ADAM18: variants seen among roughly 807,000 people sequenced by gnomAD.
The protein encoded by ADAM18 is ADAM metallopeptidase domain 18.
Under a neutral mutation model 94.4 loss-of-function variants are expected in ADAM18, and 117 were observed. That is an observed-to-expected ratio of 1.24 (90% CI 1.07 to 1.45). The LOEUF (loss-of-function observed/expected upper bound fraction) is 1.45. ADAM18 is among the 40% of genes most tolerant of loss of function. ADAM18 has a pLI of 0.00. For synonymous variants in ADAM18, 327 were observed against 291.6 expected (o/e 1.12, Z -1.24); for missense variants, 936 against 880.0 (o/e 1.06, Z -0.81).
chr8:39,701,442 T>G (rs925238684), intron 17 of ADAM18, among the ~76,000 whole-genome samples: 4 of 151,258 alleles, frequency 2.6e-5, no homozygotes, highest in Non-Finnish European at 5.9e-5. Flanking sequence ...CATTTAAACA[T>G]TTTTCTTTTT....
intron 17 of ADAM18, among the ~76,000 whole-genome samples, chr8:39,698,195 T>G (rs959818797): frequency 6.6e-6 from 1 of 151,894 alleles, no homozygotes; most frequent in African/African-American, 2.4e-5. Flanking sequence ...ATTCCGCCAT[T>G]TCTAATTTGC....
chr8:39,648,377 C>T lies in ADAM18; in HGVS notation c.1080C>T (p.Cys360=). 3 of 1,604,182 alleles carry T rather than the reference C, an allele frequency of 1.9e-6. No individual in the cohort carries two copies. Among genetic ancestry groups the T allele is most frequent in the South Asian group, 2.3e-5 (2 of 88,660 alleles). Residue 360 remains cysteine (C), a synonymous_variant, in exon 12 of 20, where the codon TGC becomes TGT. Transcript: ENST00000265707. ...GTGGTAGAAAGATTTTTAGCAACTGCAGCATGCACGACTATAGATATTTTG... is the reference window on the plus strand; with the variant it reads ...GTGGTAGAAAGATTTTTAGCAACTGTAGCATGCACGACTATAGATATTTTG... ...SASGRKIFSN[C]SMHDYRYFVS...
intron 16 of ADAM18, among the ~76,000 whole-genome samples, chr8:39,681,621 C>A (rs1405555028): frequency 6.6e-6 from 1 of 152,064 alleles, no homozygotes; most frequent in Non-Finnish European, 1.5e-5. Context: ...GAATATAGAA[C>A]CAGGAAGTGG....
chr8:39,678,070 C>G (rs910803141), intron 15 of ADAM18, among the ~76,000 whole-genome samples: 1 of 152,006 alleles, frequency 6.6e-6, no homozygotes, highest in African/African-American at 2.4e-5. Flanking sequence ...AAGTGCCTAC[C>G]CTGTAATGAA....
chr8:39,686,004 C>T (rs1236204848), intron 16 of ADAM18, among the ~76,000 whole-genome samples: 1 of 152,122 alleles, frequency 6.6e-6, no homozygotes, highest in African/African-American at 2.4e-5. Context: ...ATTTTCCTAC[C>T]AATGCTCTGA....
intron 16 of ADAM18, among the ~76,000 whole-genome samples, chr8:39,688,758 CT>C (rs1207313628): frequency 6.6e-6 from 1 of 151,832 alleles, no homozygotes; most frequent in Non-Finnish European, 1.5e-5. Flanking sequence ...TGGGATTGTT[CT>C]GTCTTTAAAA....
At position 39,609,456 on chromosome 8, in the gene ADAM18, T is replaced by C. The variant is rs189390333; in HGVS notation, c.268-29T>C. ...ACATTTTTTATTCACAACGAATTTA[T>C]ATACTTGCCTTTCTATACTGTTTTT... On this transcript the variant is annotated intron_variant, in intron 4 of 19. Transcript: ENST00000265707. The C allele has an allele frequency of 4.8e-4, 732 of 1,526,172 alleles. 1 individual carries two copies. In the Admixed American group the frequency reaches 0.012, roughly 24 times the overall value. The allele number at this position is 1,526,172 out of a possible 1,614,324, so 94.5% of individuals were successfully genotyped here.
intron 14 of ADAM18, among the ~76,000 whole-genome samples, chr8:39,672,721 A>G (rs1034297550): frequency 6.6e-6 from 1 of 152,192 alleles, no homozygotes; most frequent in Non-Finnish European, 1.5e-5. Flanking sequence ...TTCCTCTCAT[A>G]TGTTCCCATA....
intron 18 of ADAM18, among the ~76,000 whole-genome samples, chr8:39,721,590 A>G (rs1563321092): frequency 1.3e-5 from 2 of 151,748 alleles, no homozygotes; most frequent in African/African-American, 4.8e-5. Context: ...CCCATCAAAA[A>G]AATGGCAAAA....
At chr8:39,632,996 C>T (rs1819975124) in intron 7 of ADAM18, among the ~76,000 whole-genome samples, 2 of 152,176 alleles carry the variant, frequency 1.3e-5, no homozygotes, top group Admixed American at 1.3e-4. Flanking sequence ...AAGCTCCTTC[C>T]CTCATGTATG....
chr8:39,656,594 A>G (rs1245631597), intron 12 of ADAM18, among the ~76,000 whole-genome samples: 1 of 152,208 alleles, frequency 6.6e-6, no homozygotes, highest in Non-Finnish European at 1.5e-5. Context: ...AATATTTACA[A>G]ATTAGATGTT....
In ADAM18 at chr8:39,663,803, A is replaced by G. The variant is rs775586004; in HGVS notation, c.1239A>G (p.Gln413=). Residue 413 remains glutamine (Q), a synonymous_variant, in exon 13 of 20, where the codon CAA becomes CAG. Transcript: ENST00000265707. ...TTCCTGTAAAATTTTAGGAATGTCA[A>G]TTTAAGAAGTGCTGTGATTATAACA... is the stretch of plus-strand genomic sequence containing the variant. ...ECDCGNKNEC[Q]FKKCCDYNTC... The G allele has an allele frequency of 4.3e-6, 7 of 1,610,452 alleles. No individual in the cohort carries two copies. Among genetic ancestry groups the G allele is most frequent in the Admixed American group, 1.7e-5 (1 of 59,404 alleles).
At chr8:39,663,105 A>G (rs974888705) in intron 12 of ADAM18, among the ~76,000 whole-genome samples, 2 of 152,132 alleles carry the variant, frequency 1.3e-5, no homozygotes, top group East Asian at 3.9e-4. Flanking sequence ...CAAATCACCC[A>G]TGAGACCCTT....
At position 39,637,345 on chromosome 8, in the gene ADAM18, T is replaced by C. The variant is rs1448723220; in HGVS notation, c.660+10T>C. 1 of 1,590,454 alleles carries C rather than the reference T, an allele frequency of 6.3e-7. No homozygotes were observed. Among genetic ancestry groups the C allele is most frequent in the South Asian group, 1.2e-5 (1 of 86,054 alleles). ...TGGGCTTGTCAACACTGTAAGTTTT[T>C]ACTTTTTCACATTTCCATTTTCATG... On this transcript the variant is annotated intron_variant, in intron 8 of 19. Transcript: ENST00000265707.
At chr8:39,612,738 A>C (rs151086482) in intron 6 of ADAM18, among the ~76,000 whole-genome samples, 7 of 152,256 alleles carry the variant, frequency 4.6e-5, no homozygotes, top group African/African-American at 7.2e-5. Context: ...CCTTGGCTAC[A>C]TTCATTTGCA....
At chr8:39,657,613 G>A (rs118142106) in intron 12 of ADAM18, among the ~76,000 whole-genome samples, 3 of 152,120 alleles carry the variant, frequency 2.0e-5, no homozygotes, top group Non-Finnish European at 2.9e-5. Context: ...ACAGTGCCTG[G>A]CCTAGTTACT....
Position 39,722,207 on chromosome 8 carries a change from GTGTGTGTGTGTA to G in ADAM18, c.2018-1539_2018-1528del, listed in dbSNP as rs1194406915. Among the ~76,000 whole-genome samples, 727 of 76,358 alleles carry G rather than the reference GTGTGTGTGTGTA, an allele frequency of 9.5e-3. 16 individuals are homozygous for G. The highest frequency in any genetic ancestry group is 0.05 in the African/African-American group (705 of 14,030). The allele number at this position is 76,358 out of a possible 152,430, so 50.1% of individuals were successfully genotyped here. The stretch of plus-strand genomic sequence containing the variant: ...GGTTATACCGTGTGTGTGTGTGTGT[GTGTGTGTGTGTA>G]TATATATATATATATATATATATAT... On this transcript the variant is annotated intron_variant, in intron 18 of 19. Coordinates refer to ENST00000265707, the MANE Select transcript of ADAM18 (RefSeq NM_014237.3).
Position 39,723,897 on chromosome 8 carries a change from G to A in ADAM18, c.2167G>A (p.Glu723Lys). The change falls in exon 19 of 20, where the codon GAG becomes AAG. Residue 723 changes from glutamate (E) to lysine (K), a missense_variant. Physicochemically the swap from Glu to Lys is moderately conservative, Grantham distance 56. Coordinates refer to ENST00000265707, the MANE Select transcript of ADAM18 (RefSeq NM_014237.3). ...ISKSCNRENA[E>K]YNRNSSVVSE... ...TAAATCATGTAACAGAGAGAATGCA[G>A]AGTATAATCGGTAAATATGATATAG... 1 of 1,521,334 alleles carries A rather than the reference G, an allele frequency of 6.6e-7. No individual in the cohort carries two copies. Among genetic ancestry groups the A allele is most frequent in the Non-Finnish European group, 8.9e-7 (1 of 1,125,620 alleles). The allele number at this position is 1,521,334 out of a possible 1,614,324, so 94.2% of individuals were successfully genotyped here.
intron 6 of ADAM18, among the ~76,000 whole-genome samples, chr8:39,612,425 C>T (rs1819306753): frequency 6.6e-6 from 1 of 152,132 alleles, no homozygotes; most frequent in Non-Finnish European, 1.5e-5. Context: ...ATAAAAACCT[C>T]CAGAATTCTA....
Sources: gnomAD v4.1 joint callset for allele counts (sites outside exome capture counted in the v4.1 genomes callset) on GRCh38, gnomAD v4.1.1 for gene constraint, MANE v1.5 for transcripts, NCBI Gene and HGNC (gene_info 2026-07-23, HGNC 2026-07-21) for gene names.